DLC1: variants seen among roughly 807,000 people sequenced by gnomAD.
DLC1 encodes the protein DLC1 Rho GTPase activating protein, also known as rho GTPase-activating protein 7.
DLC1 carries 54 observed loss-of-function variants against 140.3 expected under a neutral mutation model. The ratio of observed to expected loss-of-function variants is 0.38; its 90% CI spans 0.31 to 0.48. The LOEUF (loss-of-function observed/expected upper bound fraction) is 0.48. Ranked by LOEUF, DLC1 falls within the 20% of genes least tolerant of loss-of-function variation. The pLI is 0.96. For synonymous variants in DLC1, 986 were observed against 728.1 expected (o/e 1.35, Z -5.70); for missense variants, 2,536 against 1,907.0 (o/e 1.33, Z -6.14).
intron 2 of DLC1, among the ~76,000 whole-genome samples, chr8:13,481,971 A>T (rs1256123152): frequency 1.3e-5 from 2 of 152,214 alleles, no homozygotes; most frequent in Non-Finnish European, 2.9e-5. Context: ...GCCAAAGATT[A>T]GCAGCAAAGC....
intron 5 of DLC1, chr8:13,133,166 C>G (rs1303830300): frequency 1.4e-6 from 2 of 1,439,406 alleles, no homozygotes; most frequent in Non-Finnish European, 1.8e-6. Context: ...TTCTAAAGAT[C>G]GAAACGAGGG....
chr8:13,251,319 G>A (rs1175893341), intron 5 of DLC1, among the ~76,000 whole-genome samples: 1 of 152,012 alleles, frequency 6.6e-6, no homozygotes, highest in African/African-American at 2.4e-5. Flanking sequence ...GGCAGGGTGG[G>A]AAATTACAAT....
At chr8:13,537,797 G>A (rs1429730604) in intron 1 of DLC1, among the ~76,000 whole-genome samples, 1 of 151,848 alleles carries the variant, frequency 6.6e-6, no homozygotes, top group Non-Finnish European at 1.5e-5. Context: ...AGGACTACAG[G>A]CGCCCGCCAC....
chr8:13,510,948 C>G (rs1309359515), intron 1 of DLC1, among the ~76,000 whole-genome samples: 1 of 152,152 alleles, frequency 6.6e-6, no homozygotes, highest in South Asian at 2.1e-4. Context: ...AACTCCCACA[C>G]ATTACCATTC....
At chr8:13,388,937 G>C (rs1836636782) in intron 4 of DLC1, among the ~76,000 whole-genome samples, 1 of 151,936 alleles carries the variant, frequency 6.6e-6, no homozygotes, top group Non-Finnish European at 1.5e-5. Context: ...TTTTGTTTCT[G>C]ATATAATAAC....
intron 1 of DLC1, among the ~76,000 whole-genome samples, chr8:13,573,349 A>C (rs1296722449): frequency 6.6e-6 from 1 of 152,184 alleles, no homozygotes; most frequent in African/African-American, 2.4e-5. Context: ...TATTAGCTCT[A>C]ACGATGAAAA....
chr8:13,349,406 A>T (rs556770798), intron 4 of DLC1, among the ~76,000 whole-genome samples: 2 of 152,300 alleles, frequency 1.3e-5, no homozygotes, highest in East Asian at 3.9e-4. Flanking sequence ...AAGAAAGAAA[A>T]AAACGGAATA....
At chr8:13,146,608 CAA>C (rs943143267) in intron 5 of DLC1, among the ~76,000 whole-genome samples, 18 of 152,010 alleles carry the variant, frequency 1.2e-4, no homozygotes, top group African/African-American at 4.3e-4. Flanking sequence ...ATATTAATAT[CAA>C]CTTTATTATT....
chr8:13,393,578 T>C lies in DLC1; in HGVS notation c.1289A>G (p.Asn430Ser), dbSNP rs369125869. ...CGTAGTCTTGGGTTTGGTTCCAGAA[T>C]TGGCTACTGGAGTGGAAGATGGGAG... Reference protein sequence around the residue: ...TDLPSSTPVANSGTKPKTTAI... With the variant: ...TDLPSSTPVASSGTKPKTTAI... The change falls in exon 4 of 18, where the codon AAT (asparagine) becomes AGT (serine). Residue 430 changes from asparagine to serine, a missense_variant. Coordinates refer to ENST00000276297, the MANE Select transcript of DLC1 (RefSeq NM_182643.3). 21 of 1,613,984 alleles carry C rather than the reference T, an allele frequency of 1.3e-5. No individual in the cohort carries two copies. Among genetic ancestry groups the C allele is most frequent in the Non-Finnish European group, 1.8e-5 (21 of 1,180,010 alleles).
At chr8:13,552,025 A>ATG (rs1386333835) in intron 1 of DLC1, among the ~76,000 whole-genome samples, 24 of 142,218 alleles carry the variant, frequency 1.7e-4, no homozygotes, top group Non-Finnish European at 3.2e-4. Flanking sequence ...GTGTGTATAT[A>ATG]TATATGTGTG....
At chr8:13,112,662 T>A (rs1025668336) in intron 6 of DLC1, among the ~76,000 whole-genome samples, 1 of 152,226 alleles carries the variant, frequency 6.6e-6, no homozygotes, top group Non-Finnish European at 1.5e-5. Context: ...GAAGACAGGT[T>A]GTAACATTGT....
intron 5 of DLC1, among the ~76,000 whole-genome samples, chr8:13,120,354 A>ATATATATATAT (rs60987681): frequency 3.6e-5 from 1 of 28,070 alleles, no homozygotes; most frequent in Non-Finnish European, 3.0e-4. Context: ...AAAAAAAAAA[A>ATATATATATAT]AAATATATAT....
chr8:13,596,345 C>T (rs990441668), intron 1 of DLC1, among the ~76,000 whole-genome samples: 5 of 151,868 alleles, frequency 3.3e-5, no homozygotes, highest in African/African-American at 1.2e-4. Flanking sequence ...CTTGGCAGAG[C>T]CCCTCAGTCC....
chr8:13,271,936 A>C (rs933335631), intron 5 of DLC1, among the ~76,000 whole-genome samples: 2 of 152,180 alleles, frequency 1.3e-5, no homozygotes, highest in Non-Finnish European at 2.9e-5. Context: ...TGGGCTTCCA[A>C]ATTGTTGGGA....
chr8:13,306,501 T>C (rs1295708589), intron 4 of DLC1, among the ~76,000 whole-genome samples: 1 of 151,706 alleles, frequency 6.6e-6, no homozygotes, highest in Non-Finnish European at 1.5e-5. Flanking sequence ...AGGGACAACA[T>C]CCTCAGAGTT....
chr8:13,587,471 C>T (rs973245822), intron 1 of DLC1, among the ~76,000 whole-genome samples: 2 of 150,336 alleles, frequency 1.3e-5, no homozygotes, highest in Middle Eastern at 3.5e-3. Context: ...GTTTGAAGAG[C>T]TTTATAGAAT....
At chr8:13,197,055 C>A (rs761568722) in intron 5 of DLC1, among the ~76,000 whole-genome samples, 2 of 152,164 alleles carry the variant, frequency 1.3e-5, no homozygotes, top group Non-Finnish European at 2.9e-5. Context: ...TGAATGAGAA[C>A]CTATATTGCT....
chr8:13,501,856 A>G (rs576514086), intron 1 of DLC1, among the ~76,000 whole-genome samples: 1 of 152,328 alleles, frequency 6.6e-6, no homozygotes, highest in Non-Finnish European at 1.5e-5. Flanking sequence ...GAGGCTACGG[A>G]AAGTGGAAAG....
intron 2 of DLC1, among the ~76,000 whole-genome samples, chr8:13,463,735 GA>G: frequency 6.6e-6 from 1 of 152,146 alleles, no homozygotes; most frequent in Non-Finnish European, 1.5e-5. Flanking sequence ...GAGGAAACAG[GA>G]ACCTGACTTT....
Sources: gnomAD v4.1 joint callset for allele counts (sites outside exome capture counted in the v4.1 genomes callset) on GRCh38, gnomAD v4.1.1 for gene constraint, MANE v1.5 for transcripts, NCBI Gene and HGNC (gene_info 2026-07-23, HGNC 2026-07-21) for gene names.